Variants in LIPC observed in about 807,000 individuals in gnomAD.
LIPC encodes the protein lipase C, hepatic type.
In LIPC, 44 loss-of-function variants were observed where a neutral mutation model predicts 50.7. That is an observed-to-expected ratio of 0.87 (90% CI 0.68 to 1.11). The LOEUF (loss-of-function observed/expected upper bound fraction) is 1.11, where lower values mean the gene tolerates loss of function less well. Among genes scored for constraint, LIPC ranks in the 50% most tolerant of loss-of-function variants. The pLI, the probability that LIPC is intolerant of heterozygous loss-of-function variation, is 0.00. For missense variants in LIPC, 697 were observed against 648.2 expected (o/e 1.08, Z -0.82); for synonymous variants, 271 against 256.4 (o/e 1.06, Z -0.54).
intron 1 of LIPC, among the ~76,000 whole-genome samples, chr15:58,447,559 C>G (rs866183307): frequency 1.3e-5 from 2 of 152,198 alleles, no homozygotes; most frequent in Admixed American, 1.3e-4. Flanking sequence ...GCATTGTTTT[C>G]TTGCATGTGT....
At chr15:58,483,074 A>G (rs1161594101) in intron 1 of LIPC, among the ~76,000 whole-genome samples, 2 of 152,210 alleles carry the variant, frequency 1.3e-5, no homozygotes, top group African/African-American at 2.4e-5. Flanking sequence ...TCTCCCTACC[A>G]TGGACATAAA....
At chr15:58,507,089 G>C (rs1310043670) in intron 1 of LIPC, among the ~76,000 whole-genome samples, 1 of 152,094 alleles carries the variant, frequency 6.6e-6, no homozygotes, top group Non-Finnish European at 1.5e-5. Context: ...ATCTTCACCT[G>C]GTCCCTCCCA....
rs1325744943 is a variant in LIPC at position 58,559,794 on chromosome 15, C to G, written c.1052-1070C>G. 3.3e-5 allele frequency among the ~76,000 whole-genome samples: 5 copies of G among 151,726 alleles called. No individual in the cohort carries two copies. The East Asian group carries it at 9.7e-4, about 29-fold the overall frequency. On this transcript the variant is annotated intron_variant, in intron 6 of 8. Coordinates refer to ENST00000299022, the MANE Select transcript of LIPC (RefSeq NM_000236.3). ...CCTGCATCCAACCCTGGGGAATCCA[C>G]TGGGGAGAATATGGAGACAAGAGAA...
chr15:58,502,064 C>G (rs751948927), intron 1 of LIPC, among the ~76,000 whole-genome samples: 1 of 152,126 alleles, frequency 6.6e-6, no homozygotes, highest in Non-Finnish European at 1.5e-5. Context: ...GAGGCTGGAC[C>G]TGAAGGTGAT....
chr15:58,542,452 T>C, intron 3 of LIPC, 82 bp from the exon 4 acceptor site: 2 of 873,452 alleles, frequency 2.3e-6, no homozygotes. Context: ...AAGAACAGGG[T>C]GGGCGCCACA....
intron 2 of LIPC, 136 bp from the exon 3 acceptor site, chr15:58,541,649 C>G (rs375851073): frequency 1.3e-5 from 12 of 895,834 alleles, no homozygotes; most frequent in East Asian, 5.3e-5. Context: ...ATTCTCTGGC[C>G]CAAAATGTCA....
At chr15:58,506,586 C>T (rs1172264021) in intron 1 of LIPC, among the ~76,000 whole-genome samples, 1 of 152,214 alleles carries the variant, frequency 6.6e-6, no homozygotes, top group East Asian at 1.9e-4. Flanking sequence ...TCTGAGATAT[C>T]CAGGTAGGCG....
At chr15:58,537,886 T>C (rs572591201) in intron 1 of LIPC, among the ~76,000 whole-genome samples, 1 of 152,288 alleles carries the variant, frequency 6.6e-6, no homozygotes, top group South Asian at 2.1e-4. Context: ...TAATACATAG[T>C]GTCACCCAGC....
intron 1 of LIPC, among the ~76,000 whole-genome samples, chr15:58,508,287 T>C (rs1473469229): frequency 2.0e-5 from 3 of 152,050 alleles, no homozygotes; most frequent in Non-Finnish European, 4.4e-5. Context: ...GCTCTTCTTA[T>C]TTCAGCATGT....
At chr15:58,471,328 T>TGTGGGG (rs1555399294) in intron 1 of LIPC, among the ~76,000 whole-genome samples, 43 of 114,222 alleles carry the variant, frequency 3.8e-4, no homozygotes, top group South Asian at 3.0e-3. Flanking sequence ...TTAGTAGAGA[T>TGTGGGG]GGGGGGGGGT....
At chr15:58,535,199 A>C (rs1291654095) in intron 1 of LIPC, among the ~76,000 whole-genome samples, 1 of 152,146 alleles carries the variant, frequency 6.6e-6, no homozygotes, top group Non-Finnish European at 1.5e-5. Context: ...CACTTTTAAT[A>C]GTTGCTTTTC....
At position 58,538,480 on chromosome 15, in the gene LIPC, C is replaced by T. The variant is rs1893214462; in HGVS notation, c.236C>T (p.Ser79Phe). The change falls in exon 2 of 9, where the codon TCC (serine) becomes TTC (phenylalanine). Residue 79 changes from serine to phenylalanine, a missense_variant. Coordinates refer to ENST00000299022, the MANE Select transcript of LIPC (RefSeq NM_000236.3). ...PDTLQECGFN[S>F]SLPLVMIIHG... Reference sequence around the variant, plus strand: ...ACGTTACAGGAGTGCGGCTTCAACTCCTCCCTGCCTCTGGTGATGATAATC... The same window carrying T: ...ACGTTACAGGAGTGCGGCTTCAACTTCTCCCTGCCTCTGGTGATGATAATC... The T allele has an allele frequency of 6.2e-7, 1 of 1,614,074 alleles. No individual in the cohort carries two copies. Among genetic ancestry groups the T allele is most frequent in the Non-Finnish European group, 8.5e-7 (1 of 1,180,042 alleles).
At chr15:58,486,690 A>G (rs1449759466) in intron 1 of LIPC, among the ~76,000 whole-genome samples, 1 of 152,242 alleles carries the variant, frequency 6.6e-6, no homozygotes, top group Non-Finnish European at 1.5e-5. Flanking sequence ...CCAATGCAGC[A>G]CATGAGCAAG....
chr15:58,488,440 T>C (rs986537254), intron 1 of LIPC, among the ~76,000 whole-genome samples: 16 of 152,246 alleles, frequency 1.1e-4, no homozygotes, highest in African/African-American at 3.6e-4. Flanking sequence ...CACTAGGCAC[T>C]GTGCTAGGTG....
chr15:58,453,589 G>C (rs1481230069), intron 1 of LIPC, among the ~76,000 whole-genome samples: 3 of 152,076 alleles, frequency 2.0e-5, no homozygotes, highest in Non-Finnish European at 2.9e-5. Context: ...CCAGTTGCTG[G>C]CAACTCTCAT....
chr15:58,529,489 C>T (rs981055472), intron 1 of LIPC, among the ~76,000 whole-genome samples: 2 of 152,224 alleles, frequency 1.3e-5, no homozygotes, highest in East Asian at 1.9e-4. Flanking sequence ...CCAATTGTTT[C>T]GGGGTATTTT....
At chr15:58,452,533 T>C (rs1193934355) in intron 1 of LIPC, among the ~76,000 whole-genome samples, 1 of 152,244 alleles carries the variant, frequency 6.6e-6, no homozygotes, top group Non-Finnish European at 1.5e-5. Flanking sequence ...CCTGGGCAGA[T>C]TCCTTTAACT....
chr15:58,462,695 C>G (rs1483946329), intron 1 of LIPC, among the ~76,000 whole-genome samples: 1 of 152,194 alleles, frequency 6.6e-6, no homozygotes, highest in Non-Finnish European at 1.5e-5. Flanking sequence ...CACCTGCACA[C>G]AGCCCTTGAC....
chr15:58,525,985 G>A (rs1427472493), intron 1 of LIPC, among the ~76,000 whole-genome samples: 1 of 152,206 alleles, frequency 6.6e-6, no homozygotes, highest in Non-Finnish European at 1.5e-5. Flanking sequence ...ACAACCCCAT[G>A]AGGAAACCAT....
Sources: allele counts gnomAD v4.1 joint callset (sites outside exome capture counted in the v4.1 genomes callset), GRCh38; gene constraint gnomAD v4.1.1; transcripts MANE v1.5; gene names NCBI Gene and HGNC (gene_info 2026-07-23, HGNC 2026-07-21).